Variants in THNSL1 observed in about 807,000 individuals in gnomAD.
The protein encoded by THNSL1 is threonine synthase like 1, also known as threonine synthase-like 1.
THNSL1 carries 48 observed loss-of-function variants against 50.4 expected under a neutral mutation model. The ratio of observed to expected loss-of-function variants is 0.95; its 90% CI spans 0.76 to 1.21. The LOEUF is 1.21. Among genes scored for constraint, THNSL1 ranks in the 50% most tolerant of loss-of-function variants. The pLI, the probability that THNSL1 is intolerant of heterozygous loss-of-function variation, is 0.00. For synonymous variants in THNSL1, 309 were observed against 306.1 expected (o/e 1.01, Z -0.10); for missense variants, 896 against 871.7 (o/e 1.03, Z -0.35).
At chr10:24,960,254 C>G in the THNSL1 span, among the ~76,000 whole-genome samples, 2 of 152,068 alleles carry the variant, frequency 1.3e-5, no homozygotes, top group Non-Finnish European at 2.9e-5. Context: ...AGAAGCAGAG[C>G]TGGGATGTGG....
the THNSL1 span, among the ~76,000 whole-genome samples, chr10:24,981,659 T>A: frequency 6.6e-6 from 1 of 152,256 alleles, no homozygotes; most frequent in Non-Finnish European, 1.5e-5. Context: ...CCAGGAACTA[T>A]GCTGTTACGC....
Position 25,023,841 on chromosome 10 carries a change from G to C in THNSL1, c.618G>C (p.Gly206=). ...WYDARVFCES[G]ASPEEVADKV... The stretch of plus-strand genomic sequence containing the variant: ...ATGCTCGTGTTTTCTGTGAAAGTGG[G>C]GCTTCCCCAGAGGAGGTAGCTGACA... The change falls in exon 3 of 3, where the codon GGG becomes GGC. Residue 206 remains glycine, a synonymous_variant. Coordinates refer to ENST00000376356, the MANE Select transcript of THNSL1 (RefSeq NM_024838.5). 1 of 1,614,108 alleles carries C rather than the reference G, an allele frequency of 6.2e-7. No individual in the cohort carries two copies. The highest frequency in any genetic ancestry group is 8.5e-7 in the Non-Finnish European group (1 of 1,179,998).
At chr10:25,004,455 T>C in the THNSL1 span, among the ~76,000 whole-genome samples, 1 of 152,126 alleles carries the variant, frequency 6.6e-6, no homozygotes, top group Non-Finnish European at 1.5e-5. Context: ...TAATGGCCAT[T>C]CTGATTGGTG....
chr10:25,018,069 G>A (rs1399427462), intron 1 of THNSL1, among the ~76,000 whole-genome samples: 2 of 152,098 alleles, frequency 1.3e-5, no homozygotes, highest in Non-Finnish European at 2.9e-5. Context: ...TTGATGTTCT[G>A]GGGTTACTGA....
chr10:25,000,330 C>T, the THNSL1 span, among the ~76,000 whole-genome samples: 1 of 152,098 alleles, frequency 6.6e-6, no homozygotes, highest in Non-Finnish European at 1.5e-5. Flanking sequence ...TAAATGACAA[C>T]TAGGTCAAAC....
chr10:24,957,412 T>C, the THNSL1 span, among the ~76,000 whole-genome samples: 1 of 152,230 alleles, frequency 6.6e-6, no homozygotes, highest in Non-Finnish European at 1.5e-5. Context: ...ATGTTTTTTT[T>C]CTAGCAGTTT....
rs758791065 is a variant in THNSL1, at chr10:25,025,317, C to A, written c.2094C>A (p.Tyr698Ter). ...GTCAGCTCTATTTGCTGGGTTCATA[C>A]AATGCATTACCTCCACTGCATGAGG... ...SSSQLYLLGS[Y>*]NALPPLHEAL... The change falls in exon 3 of 3, where the codon TAC becomes TAA. Residue 698 changes from tyrosine (Y) to a stop codon, truncating the protein, a stop_gained. Transcript: ENST00000376356. LOFTEE classifies it high-confidence loss of function. 5.0e-6 allele frequency: 8 copies of A among 1,614,040 alleles called. No individual in the cohort carries two copies. The highest frequency in any genetic ancestry group is 1.3e-5 in the African/African-American group (1 of 74,892).
At chr10:24,999,282 T>C in the THNSL1 span, 1 of 986,756 alleles carries the variant, frequency 1.0e-6, no homozygotes, top group Non-Finnish European at 1.5e-6. Flanking sequence ...TCAAATTCTG[T>C]TTAATATGAG....
the THNSL1 span, among the ~76,000 whole-genome samples, chr10:24,955,390 T>G: frequency 6.6e-6 from 1 of 152,194 alleles, no homozygotes; most frequent in Admixed American, 6.5e-5. Flanking sequence ...TATTTTTCTG[T>G]AACAATCCAT....
Position 25,025,500 on chromosome 10 carries a change from A to G in THNSL1, c.*45A>G. On this transcript the variant is annotated 3_prime_UTR_variant, in exon 3 of 3. Transcript: ENST00000376356. ...TTTTTTCTAGCTATAAGCATGCAAT[A>G]ATAAATCTCAAACACTGATTTGGAG... is the stretch of plus-strand genomic sequence containing the variant. 1 of 1,525,206 alleles carries G rather than the reference A, an allele frequency of 6.6e-7. No homozygotes were observed. Among genetic ancestry groups the G allele is most frequent in the Non-Finnish European group, 8.8e-7 (1 of 1,130,936 alleles). 94.5% of individuals were successfully genotyped at this position (1,525,206 alleles called of 1,614,324 possible).
At chr10:24,990,861 A>AG in the THNSL1 span, among the ~76,000 whole-genome samples, 1 of 151,496 alleles carries the variant, frequency 6.6e-6, no homozygotes, top group African/African-American at 2.4e-5. Flanking sequence ...TGGGAGGCTG[A>AG]GGGGTGGGGG....
chr10:25,020,024 G>A (rs1850685865), intron 1 of THNSL1, among the ~76,000 whole-genome samples: 1 of 151,896 alleles, frequency 6.6e-6, no homozygotes, highest in Non-Finnish European at 1.5e-5. Context: ...TCATTTGGTT[G>A]GTTAAAAAAT....
chr10:24,974,532 A>G, the THNSL1 span, among the ~76,000 whole-genome samples: 7 of 152,354 alleles, frequency 4.6e-5, no homozygotes, highest in East Asian at 1.2e-3. Context: ...TGCTGGGAAC[A>G]TAAGACTAAA....
At chr10:24,960,773 G>A in the THNSL1 span, among the ~76,000 whole-genome samples, 6,713 of 151,602 alleles carry the variant, frequency 0.044, 386 homozygotes, top group African/African-American at 0.13. Flanking sequence ...TTTTTTTAAT[G>A]GAGACAGGGT....
the THNSL1 span, chr10:24,990,311 G>C: frequency 6.5e-6 from 6 of 929,816 alleles, no homozygotes; most frequent in South Asian, 1.1e-4. Flanking sequence ...CAAAGAGTCA[G>C]CTTTGCTGTA....
At chr10:24,968,955 G>A in the THNSL1 span, among the ~76,000 whole-genome samples, 8 of 152,194 alleles carry the variant, frequency 5.3e-5, no homozygotes. Context: ...GTCCACTGGT[G>A]TGACCTCTGC....
the THNSL1 span, chr10:24,984,889 C>A: frequency 1.2e-6 from 2 of 1,612,462 alleles, no homozygotes; most frequent in African/African-American, 2.7e-5. Context: ...CACCTCTTCC[C>A]AGTTCTTTTT....
upstream of THNSL1, among the ~76,000 whole-genome samples, chr10:25,012,722 A>G (rs1200520968): frequency 6.6e-6 from 1 of 152,116 alleles, no homozygotes. Flanking sequence ...TTTTGATTTT[A>G]TATGCTTGTA....
the THNSL1 span, among the ~76,000 whole-genome samples, chr10:24,993,146 G>A: frequency 6.6e-6 from 1 of 151,908 alleles, no homozygotes. Flanking sequence ...ATTAAATTAA[G>A]TGTTTTTAAA....
Sources: allele counts gnomAD v4.1 joint callset (sites outside exome capture counted in the v4.1 genomes callset), GRCh38; gene constraint gnomAD v4.1.1; transcripts MANE v1.5; gene names NCBI Gene and HGNC (gene_info 2026-07-23, HGNC 2026-07-21).